Variants in C8orf34 observed in about 807,000 individuals in gnomAD.
C8orf34 encodes chromosome 8 open reading frame 34.
In C8orf34, 65 loss-of-function variants were observed where a neutral mutation model predicts 68.3. The ratio of observed to expected loss-of-function variants is 0.95; its 90% CI spans 0.78 to 1.17. The LOEUF is 1.17. Among genes scored for constraint, C8orf34 ranks in the 50% most tolerant of loss-of-function variants. The pLI is 0.00. For synonymous variants in C8orf34, 244 were observed against 241.2 expected (o/e 1.01, Z -0.11); for missense variants, 664 against 655.4 (o/e 1.01, Z -0.14).
intron 5 of C8orf34, among the ~76,000 whole-genome samples, chr8:68,496,317 C>T (rs949677435): frequency 2.0e-5 from 3 of 152,072 alleles, no homozygotes; most frequent in African/African-American, 7.2e-5. Context: ...TCATAACAAC[C>T]CCATGAGAAA....
chr8:68,774,944 T>TAAAAAAAAAAAAAAAAAAAAA lies in C8orf34; in HGVS notation c.1405-1452_1405-1432dup, dbSNP rs1224756627. ...CAACATGATGAAACCCTGTCTCCAC[T>TAAAAAAAAAAAAAAAAAAAAA]AAAAAAAAAAAAAAAAAAAAAAATT... On this transcript the variant is annotated intron_variant, in intron 10 of 13. Coordinates refer to ENST00000518698, the MANE Select transcript of C8orf34 (RefSeq NM_052958.4). 4.5e-4 allele frequency among the ~76,000 whole-genome samples: 20 copies of TAAAAAAAAAAAAAAAAAAAAA among 44,680 alleles called. 2 individuals are homozygous for TAAAAAAAAAAAAAAAAAAAAA. Among genetic ancestry groups the TAAAAAAAAAAAAAAAAAAAAA allele is most frequent in the African/African-American group, 5.0e-4 (4 of 8,012 alleles). 29.3% of individuals were successfully genotyped at this position (44,680 alleles called of 152,430 possible).
chr8:68,733,541 C>G (rs1037318217), intron 10 of C8orf34, among the ~76,000 whole-genome samples: 2 of 152,106 alleles, frequency 1.3e-5, no homozygotes, highest in Admixed American at 6.6e-5. Context: ...CATACAATAA[C>G]TAGCTGTTCT....
chr8:68,592,332 T>C (rs1260963322), intron 7 of C8orf34, among the ~76,000 whole-genome samples: 1 of 152,132 alleles, frequency 6.6e-6, no homozygotes, highest in Admixed American at 6.6e-5. Flanking sequence ...ACTTCTTACA[T>C]GTTTCTTCAT....
chr8:68,443,683 G>A (rs1042583465), intron 2 of C8orf34, among the ~76,000 whole-genome samples: 2 of 152,052 alleles, frequency 1.3e-5, no homozygotes, highest in African/African-American at 4.8e-5. Context: ...TGGGATTACA[G>A]GCATGAGCCT....
At chr8:68,619,862 T>C (rs1178068870) in intron 7 of C8orf34, among the ~76,000 whole-genome samples, 1 of 152,176 alleles carries the variant, frequency 6.6e-6, no homozygotes, top group Non-Finnish European at 1.5e-5. Context: ...AAAGCCCTTA[T>C]AATTTCTGGC....
intron 8 of C8orf34, among the ~76,000 whole-genome samples, chr8:68,685,354 A>G (rs911378149): frequency 6.6e-6 from 1 of 152,138 alleles, no homozygotes; most frequent in Non-Finnish European, 1.5e-5. Context: ...GAAGGAGATA[A>G]AGGATGTAGA....
At chr8:68,604,325 C>G (rs1226963750) in intron 7 of C8orf34, among the ~76,000 whole-genome samples, 3 of 150,272 alleles carry the variant, frequency 2.0e-5, no homozygotes, top group Non-Finnish European at 4.4e-5. Flanking sequence ...AGCCAAAAGT[C>G]AAATTTTAAT....
chr8:68,495,456 T>C (rs2129632165), intron 5 of C8orf34, among the ~76,000 whole-genome samples: 1 of 152,288 alleles, frequency 6.6e-6, no homozygotes, highest in African/African-American at 2.4e-5. Context: ...CATTTAGTAT[T>C]TACTAATATC....
intron 7 of C8orf34, among the ~76,000 whole-genome samples, chr8:68,607,826 C>G (rs557012110): frequency 1.3e-5 from 2 of 152,164 alleles, no homozygotes; most frequent in Admixed American, 6.5e-5. Context: ...TAGAAGGTAG[C>G]ATATGTGTGT....
At chr8:68,568,807 A>G (rs1457227223) in intron 7 of C8orf34, among the ~76,000 whole-genome samples, 2 of 152,224 alleles carry the variant, frequency 1.3e-5, no homozygotes, top group Admixed American at 1.3e-4. Flanking sequence ...TTTAAGTTCT[A>G]GAATAGGATA....
At chr8:68,494,853 C>A (rs1319477504) in intron 5 of C8orf34, among the ~76,000 whole-genome samples, 1 of 151,088 alleles carries the variant, frequency 6.6e-6, no homozygotes, top group Non-Finnish European at 1.5e-5. Context: ...GAGACTCCAT[C>A]TCAAAATATA....
chr8:68,718,521 G>A (rs1288047209), intron 9 of C8orf34, among the ~76,000 whole-genome samples: 3 of 152,278 alleles, frequency 2.0e-5, no homozygotes, highest in African/African-American at 7.2e-5. Context: ...TCCAGAATAT[G>A]AGTTTCTGAT....
At chr8:68,769,354 A>G (rs1217585963) in intron 10 of C8orf34, among the ~76,000 whole-genome samples, 2 of 150,380 alleles carry the variant, frequency 1.3e-5, no homozygotes, top group Non-Finnish European at 3.0e-5. Context: ...TTAAGGCATT[A>G]TTTTTGTTTG....
intron 10 of C8orf34, among the ~76,000 whole-genome samples, chr8:68,744,504 T>A (rs1489576319): frequency 1.3e-5 from 2 of 151,158 alleles, no homozygotes; most frequent in African/African-American, 4.9e-5. Context: ...TAGAAGAATG[T>A]ATAACTAGAA....
At chr8:68,748,555 C>A (rs534664593) in intron 10 of C8orf34, among the ~76,000 whole-genome samples, 2 of 152,196 alleles carry the variant, frequency 1.3e-5, no homozygotes, top group South Asian at 4.1e-4. Context: ...AAACAAACAA[C>A]CCCATCAAGA....
At chr8:68,655,600 A>G (rs1159203308) in intron 8 of C8orf34, among the ~76,000 whole-genome samples, 1 of 152,174 alleles carries the variant, frequency 6.6e-6, no homozygotes, top group Non-Finnish European at 1.5e-5. Context: ...AGCAAGCTTT[A>G]GCTCCCTGTC....
chr8:68,447,747 T>G (rs1398639248), intron 3 of C8orf34: 1 of 152,252 alleles, frequency 6.6e-6, no homozygotes, highest in Non-Finnish European at 1.5e-5. Context: ...ATAAAAAGTA[T>G]TGCATTAACC....
chr8:68,368,429 A>C (rs1807411104), intron 1 of C8orf34, among the ~76,000 whole-genome samples: 1 of 152,018 alleles, frequency 6.6e-6, no homozygotes, highest in Admixed American at 6.6e-5. Flanking sequence ...AAATATGAAA[A>C]ATGACAGTTT....
intron 7 of C8orf34, among the ~76,000 whole-genome samples, chr8:68,591,841 C>T (rs1053010882): frequency 6.6e-6 from 1 of 152,040 alleles, no homozygotes; most frequent in East Asian, 1.9e-4. Flanking sequence ...AAATGAATTG[C>T]CCATGATCAG....
Sources: allele counts gnomAD v4.1 joint callset (sites outside exome capture counted in the v4.1 genomes callset), GRCh38; gene constraint gnomAD v4.1.1; transcripts MANE v1.5; gene names NCBI Gene and HGNC (gene_info 2026-07-23, HGNC 2026-07-21).